AGBL1: variants seen among roughly 807,000 people sequenced by gnomAD.
AGBL1 encodes the protein cytosolic carboxypeptidase 4.
AGBL1 carries 130 observed loss-of-function variants against 118.9 expected under a neutral mutation model. The observed-to-expected ratio is 1.09, with a 90% CI of 0.95 to 1.26. The LOEUF is 1.26. AGBL1 is among the 50% of genes most tolerant of loss of function. The probability of loss-of-function intolerance (pLI) is 0.00; values close to 1 mark genes in which losing one functional copy is unlikely to be tolerated. For missense variants in AGBL1, 1,584 were observed against 1,298.1 expected (o/e 1.22, Z -3.38); for synonymous variants, 555 against 478.9 (o/e 1.16, Z -2.08).
chr15:86,490,099 C>A (rs1278626353), intron 18 of AGBL1, among the ~76,000 whole-genome samples: 1 of 152,082 alleles, frequency 6.6e-6, no homozygotes, highest in Non-Finnish European at 1.5e-5. Flanking sequence ...GCCCATTTTC[C>A]CACAAGGCAG....
At chr15:86,885,902 C>T (rs909473480) in intron 22 of AGBL1, among the ~76,000 whole-genome samples, 1 of 152,116 alleles carries the variant, frequency 6.6e-6, no homozygotes, top group East Asian at 1.9e-4. Flanking sequence ...AACAAAAAGG[C>T]CTGTGTAAAG....
At position 86,312,665 on chromosome 15, in the gene AGBL1, C is replaced by T. The variant is rs370421094; in HGVS notation, c.2374+17257C>T. 4.6e-5 allele frequency among the ~76,000 whole-genome samples: 7 copies of T among 152,248 alleles called. No individual in the cohort carries two copies. In the East Asian group the frequency reaches 1.4e-3, roughly 29 times the overall value. On this transcript the variant is annotated intron_variant, in intron 17 of 22. Transcript: ENST00000614907. The stretch of plus-strand genomic sequence containing the variant: ...TCTGTGGCTCATTGAGCAACGAGTC[C>T]AGGTGGCAGCTGTGGATTTTGACAT...
At chr15:86,668,517 CG>C (rs1423652449) in intron 21 of AGBL1, among the ~76,000 whole-genome samples, 9 of 152,198 alleles carry the variant, frequency 5.9e-5, no homozygotes, top group East Asian at 3.9e-4. Context: ...CACAAAAAGA[CG>C]TTTTTTTGGT....
chr15:86,350,533 C>T (rs1467996352), intron 17 of AGBL1, among the ~76,000 whole-genome samples: 2 of 152,176 alleles, frequency 1.3e-5, no homozygotes, highest in Non-Finnish European at 2.9e-5. Context: ...GTTCCGTATA[C>T]ATAGGCTGTT....
At chr15:86,735,651 G>GATATATATATATATATATAT (rs1196938111) in intron 22 of AGBL1, among the ~76,000 whole-genome samples, 1 of 111,220 alleles carries the variant, frequency 9.0e-6, no homozygotes, top group Admixed American at 8.5e-5. Context: ...CTGCTACAAA[G>GATATATATATATATATATAT]AGAGATATAT....
At chr15:86,352,641 C>G (rs891125936) in intron 17 of AGBL1, among the ~76,000 whole-genome samples, 1 of 152,056 alleles carries the variant, frequency 6.6e-6, no homozygotes, top group African/African-American at 2.4e-5. Context: ...ACTACTGCAC[C>G]TGACTAATTT....
At chr15:86,637,880 T>C (rs2085123240) in intron 21 of AGBL1, among the ~76,000 whole-genome samples, 1 of 152,230 alleles carries the variant, frequency 6.6e-6, no homozygotes, top group Non-Finnish European at 1.5e-5. Context: ...CTGTGCTCTT[T>C]ATAGCATCAA....
intron 18 of AGBL1, among the ~76,000 whole-genome samples, chr15:86,407,597 G>C (rs984762076): frequency 6.6e-6 from 1 of 152,172 alleles, no homozygotes; most frequent in Admixed American, 6.5e-5. Flanking sequence ...GGAAGGTAAA[G>C]TTTGTGTACT....
chr15:86,971,842 T>C (rs2081111904), intron 23 of AGBL1, among the ~76,000 whole-genome samples: 1 of 151,946 alleles, frequency 6.6e-6, no homozygotes, highest in Non-Finnish European at 1.5e-5. Flanking sequence ...GTGGAGGTAA[T>C]TGAATCATGG....
At chr15:86,818,185 A>G (rs1382721921) in intron 22 of AGBL1, among the ~76,000 whole-genome samples, 1 of 152,164 alleles carries the variant, frequency 6.6e-6, no homozygotes, top group Non-Finnish European at 1.5e-5. Context: ...CTCCAGAGCT[A>G]TAAGATAACA....
At chr15:86,375,588 T>A (rs182728486) in intron 17 of AGBL1, among the ~76,000 whole-genome samples, 14 of 152,332 alleles carry the variant, frequency 9.2e-5, no homozygotes, top group African/African-American at 3.4e-4. Flanking sequence ...TCTGTTCTCA[T>A]GTCATGTTGG....
chr15:86,748,616 T>A (rs1430938939), intron 22 of AGBL1, among the ~76,000 whole-genome samples: 1 of 148,994 alleles, frequency 6.7e-6, no homozygotes, highest in African/African-American at 2.5e-5. Context: ...AATGCCTAGG[T>A]TTTCTTCTAG....
chr15:86,554,564 C>G (rs1050472873), intron 21 of AGBL1, 27 bp downstream of exon 21: 4 of 1,440,952 alleles, frequency 2.8e-6, no homozygotes, highest in East Asian at 2.7e-5. Flanking sequence ...GACACCCATA[C>G]TTTCTGTCCA....
intron 21 of AGBL1, among the ~76,000 whole-genome samples, chr15:86,575,989 C>A (rs1336777190): frequency 6.6e-6 from 1 of 152,146 alleles, no homozygotes; most frequent in Non-Finnish European, 1.5e-5. Flanking sequence ...TTAGTGATAA[C>A]AATGTGCAAA....
intron 22 of AGBL1, among the ~76,000 whole-genome samples, chr15:86,700,031 G>A (rs889281918): frequency 2.6e-5 from 4 of 151,930 alleles, no homozygotes; most frequent in South Asian, 2.1e-4. Context: ...GTAAGGAAGA[G>A]CTATTCCTTC....
chr15:86,565,391 G>C (rs972506078), intron 21 of AGBL1, among the ~76,000 whole-genome samples: 1 of 152,220 alleles, frequency 6.6e-6, no homozygotes, highest in African/African-American at 2.4e-5. Flanking sequence ...TTTGCTGGAC[G>C]TCCACTCCAG....
chr15:86,648,920 G>A (rs1258202897), intron 21 of AGBL1, among the ~76,000 whole-genome samples: 1 of 152,194 alleles, frequency 6.6e-6, no homozygotes, highest in East Asian at 1.9e-4. Flanking sequence ...ATGGGTGTGA[G>A]ATTATAAAAG....
chr15:86,131,814 G>A (rs2076823256), intron 1 of AGBL1, among the ~76,000 whole-genome samples: 1 of 151,916 alleles, frequency 6.6e-6, no homozygotes, highest in Non-Finnish European at 1.5e-5. Context: ...GCAAGGTGTG[G>A]TGGTGCACTC....
At chr15:86,114,859 G>A (rs937774963) in intron 1 of AGBL1, among the ~76,000 whole-genome samples, 1 of 152,182 alleles carries the variant, frequency 6.6e-6, no homozygotes, top group African/African-American at 2.4e-5. Context: ...GTTTCTCAGT[G>A]AATTCACTTG....
Sources: allele counts gnomAD v4.1 joint callset (sites outside exome capture counted in the v4.1 genomes callset), GRCh38; gene constraint gnomAD v4.1.1; transcripts MANE v1.5; gene names NCBI Gene and HGNC (gene_info 2026-07-23, HGNC 2026-07-21).